Variants in PCDH9 observed in about 807,000 individuals in gnomAD.
PCDH9 encodes protocadherin 9.
In PCDH9, 24 loss-of-function variants were observed where a neutral mutation model predicts 70.6. The observed-to-expected ratio is 0.34, with a 90% CI of 0.25 to 0.48. The LOEUF (loss-of-function observed/expected upper bound fraction) is 0.48. PCDH9 is among the 20% of genes least tolerant of loss of function. The probability of loss-of-function intolerance (pLI) is 0.99; values close to 1 mark genes in which losing one functional copy is unlikely to be tolerated. For synonymous variants in PCDH9, 562 were observed against 558.5 expected (o/e 1.01, Z -0.09); for missense variants, 1,281 against 1,503.6 (o/e 0.85, Z 2.45).
chr13:66,510,675 A>G (rs1250660561), intron 4 of PCDH9, among the ~76,000 whole-genome samples: 4 of 152,112 alleles, frequency 2.6e-5, no homozygotes, highest in Non-Finnish European at 2.9e-5. Flanking sequence ...CCATGTCCCT[A>G]CAAAGGAAAT....
chr13:66,508,652 A>G (rs918228377), intron 4 of PCDH9, among the ~76,000 whole-genome samples: 2 of 151,898 alleles, frequency 1.3e-5, no homozygotes, highest in African/African-American at 2.4e-5. Flanking sequence ...TTAGTACCTC[A>G]GGGATATTCA....
intron 4 of PCDH9, among the ~76,000 whole-genome samples, chr13:66,380,503 C>T (rs958071089): frequency 9.6e-5 from 14 of 145,722 alleles, no homozygotes; most frequent in East Asian, 6.0e-4. Context: ...CACATAATGC[C>T]GGAAGAAAAA....
At chr13:67,037,089 C>A (rs2085024530) in intron 2 of PCDH9, among the ~76,000 whole-genome samples, 1 of 152,112 alleles carries the variant, frequency 6.6e-6, no homozygotes, top group South Asian at 2.1e-4. Context: ...CTTTAGAGTG[C>A]CCCTCAATCC....
intron 4 of PCDH9, among the ~76,000 whole-genome samples, chr13:66,514,705 G>A (rs532209138): frequency 5.9e-5 from 9 of 152,030 alleles, no homozygotes; most frequent in East Asian, 1.9e-4. Context: ...TAAGCATTCC[G>A]GATACTTCTA....
chr13:67,001,420 G>A (rs2084242254), intron 2 of PCDH9, among the ~76,000 whole-genome samples: 1 of 152,166 alleles, frequency 6.6e-6, no homozygotes, highest in Non-Finnish European at 1.5e-5. Flanking sequence ...GGAATCCCAA[G>A]TTTTAGTTTG....
intron 3 of PCDH9, among the ~76,000 whole-genome samples, chr13:66,777,216 A>G: frequency 6.6e-6 from 1 of 152,078 alleles, no homozygotes; most frequent in Non-Finnish European, 1.5e-5. Context: ...GGACACAGGC[A>G]TGGGCAAGGA....
intron 2 of PCDH9, among the ~76,000 whole-genome samples, chr13:67,184,491 G>C (rs953908132): frequency 6.6e-6 from 1 of 152,158 alleles, no homozygotes; most frequent in South Asian, 2.1e-4. Context: ...AACTCTGGGA[G>C]GCTAAGGCGG....
intron 2 of PCDH9, among the ~76,000 whole-genome samples, chr13:67,174,262 T>C (rs1444962762): frequency 1.3e-5 from 2 of 152,022 alleles, no homozygotes; most frequent in East Asian, 3.9e-4. Flanking sequence ...TATAGATAGA[T>C]AGATAGATGA....
At chr13:66,325,430 A>G (rs1955826332) in intron 4 of PCDH9, among the ~76,000 whole-genome samples, 1 of 151,972 alleles carries the variant, frequency 6.6e-6, no homozygotes. Flanking sequence ...ATGGGGGGAG[A>G]AAAGTTTCTA....
chr13:66,427,296 A>C (rs529116007), intron 4 of PCDH9, among the ~76,000 whole-genome samples: 1 of 151,860 alleles, frequency 6.6e-6, no homozygotes, highest in African/African-American at 2.4e-5. Context: ...TATCTATAAT[A>C]CTTCTTGACT....
Position 67,114,603 on chromosome 13 carries a change from T to C in PCDH9, c.3036+110802A>G, listed in dbSNP as rs1355887957. On this transcript the variant is annotated intron_variant, in intron 2 of 4. Coordinates refer to ENST00000377865, the MANE Select transcript of PCDH9 (RefSeq NM_203487.3). ...TTACACCAATATATTGCATACTCTA[T>C]AAGGCAAAGTACTGATGTGTGTAAA... Among the ~76,000 whole-genome samples, 5 of 152,300 alleles carry C rather than the reference T, an allele frequency of 3.3e-5. No homozygotes were observed. In the East Asian group the frequency reaches 5.8e-4, roughly 18 times the overall value.
At chr13:66,686,761 G>C (rs547136200) in intron 3 of PCDH9, among the ~76,000 whole-genome samples, 24 of 152,272 alleles carry the variant, frequency 1.6e-4, no homozygotes, top group African/African-American at 5.8e-4. Context: ...GATTTGAACA[G>C]AGGCCTCTTT....
At chr13:66,807,237 A>C (rs1255331052) in intron 3 of PCDH9, among the ~76,000 whole-genome samples, 1 of 152,178 alleles carries the variant, frequency 6.6e-6, no homozygotes, top group East Asian at 1.9e-4. Context: ...CTCCACCACC[A>C]TTCCTTTCCT....
chr13:66,858,193 G>A (rs528843824), intron 3 of PCDH9, among the ~76,000 whole-genome samples: 59 of 152,126 alleles, frequency 3.9e-4, no homozygotes, highest in Admixed American at 3.9e-3. Context: ...GATTCCTAGA[G>A]ATTACATTGT....
At chr13:66,627,055 G>T (rs934575848) in intron 4 of PCDH9, among the ~76,000 whole-genome samples, 2 of 150,754 alleles carry the variant, frequency 1.3e-5, no homozygotes, top group Admixed American at 6.6e-5. Flanking sequence ...ACTACCATTT[G>T]TATTAATTTC....
chr13:67,070,151 T>C (rs2085732577), intron 2 of PCDH9, among the ~76,000 whole-genome samples: 1 of 151,772 alleles, frequency 6.6e-6, no homozygotes, highest in Non-Finnish European at 1.5e-5. Flanking sequence ...TTTAGAGTTT[T>C]TTTAATGCCT....
chr13:67,181,762 T>TA (rs1225397571), intron 2 of PCDH9, among the ~76,000 whole-genome samples: 28 of 150,852 alleles, frequency 1.9e-4, no homozygotes, highest in African/African-American at 2.9e-4. Context: ...AATTAGGCCA[T>TA]AAAAAAAAAC....
chr13:66,752,169 G>C (rs963303025), intron 3 of PCDH9, among the ~76,000 whole-genome samples: 2 of 152,108 alleles, frequency 1.3e-5, no homozygotes, highest in Admixed American at 1.3e-4. Flanking sequence ...TGACAGAAAC[G>C]TGTGGCTGGA....
At chr13:67,033,827 C>T (rs1320197193) in intron 2 of PCDH9, among the ~76,000 whole-genome samples, 1 of 152,142 alleles carries the variant, frequency 6.6e-6, no homozygotes, top group African/African-American at 2.4e-5. Context: ...AGTCAACATT[C>T]TTTGAAGGGT....
Sources: allele counts gnomAD v4.1 joint callset (sites outside exome capture counted in the v4.1 genomes callset), GRCh38; gene constraint gnomAD v4.1.1; transcripts MANE v1.5; gene names NCBI Gene and HGNC (gene_info 2026-07-23, HGNC 2026-07-21).